Variants in LSAMP observed in about 807,000 individuals in gnomAD.
LSAMP encodes the protein limbic system associated membrane protein.
In LSAMP, 7 loss-of-function variants were observed where a neutral mutation model predicts 38.6. The ratio of observed to expected loss-of-function variants is 0.18; its 90% confidence interval spans 0.10 to 0.34. The LOEUF (loss-of-function observed/expected upper bound fraction) is 0.34. Among genes scored for constraint, LSAMP ranks in the 10% least tolerant of loss-of-function variants. The pLI is 1.00. For missense variants in LSAMP, 313 were observed against 420.0 expected, an observed-to-expected ratio of 0.75 and a Z score of 2.23; for synonymous variants, 154 against 166.8, an observed-to-expected ratio of 0.92 and a Z score of 0.59.
chr3:115,854,133 A>T (rs1359447768), intron 3 of LSAMP, among the ~76,000 whole-genome samples: 1 of 151,930 alleles, frequency 6.6e-6, no homozygotes, highest in Non-Finnish European at 1.5e-5. Context: ...AATCTTGATT[A>T]AAAAAACAGG....
intron 1 of LSAMP, among the ~76,000 whole-genome samples, chr3:116,278,738 C>T (rs1399803192): frequency 6.6e-6 from 1 of 152,164 alleles, no homozygotes; most frequent in Non-Finnish European, 1.5e-5. Flanking sequence ...TAAAACTCAA[C>T]ACCTAGCACA....
intron 3 of LSAMP, among the ~76,000 whole-genome samples, chr3:115,973,939 A>G (rs1024905309): frequency 2.0e-5 from 3 of 152,220 alleles, no homozygotes; most frequent in African/African-American, 7.2e-5. Context: ...TGAATTAGGA[A>G]TGCACAACCT....
chr3:116,299,010 A>ATATT (rs2047371959), intron 1 of LSAMP, among the ~76,000 whole-genome samples: 1 of 152,206 alleles, frequency 6.6e-6, no homozygotes, highest in Non-Finnish European at 1.5e-5. Context: ...TAAAAAAGAT[A>ATATT]TATTTTTGGC....
intron 1 of LSAMP, among the ~76,000 whole-genome samples, chr3:116,142,765 T>C (rs968728251): frequency 2.6e-5 from 4 of 151,928 alleles, no homozygotes; most frequent in Non-Finnish European, 5.9e-5. Flanking sequence ...CACAGTAGAA[T>C]AGAAACATCA....
rs1939445057 is a variant in LSAMP, at chr3:115,984,200, T to C, written c.514+35315A>G. 2.0e-5 allele frequency among the ~76,000 whole-genome samples: 3 copies of C among 152,018 alleles called. No individual in the cohort carries two copies. The South Asian group carries it at 6.2e-4, about 32-fold the overall frequency. ...ATGACACCCACACTTCTGGCTTGCC[T>C]GAATGGGGGTGCTATTCACAAAGAA... On this transcript the variant is annotated intron_variant, in intron 3 of 6. Coordinates refer to ENST00000490035, the MANE Select transcript of LSAMP (RefSeq NM_002338.5).
intron 1 of LSAMP, among the ~76,000 whole-genome samples, chr3:116,443,887 G>A (rs905849054): frequency 1.3e-5 from 2 of 152,092 alleles, no homozygotes; most frequent in East Asian, 1.9e-4. Flanking sequence ...GTGGAGAGGA[G>A]GAAGAGAAAA....
At chr3:116,379,964 T>C (rs1325665241) in intron 1 of LSAMP, among the ~76,000 whole-genome samples, 2 of 152,072 alleles carry the variant, frequency 1.3e-5, no homozygotes, top group Non-Finnish European at 2.9e-5. Context: ...TGGGCTTTCC[T>C]ATGTTTAAAA....
intron 1 of LSAMP, among the ~76,000 whole-genome samples, chr3:116,389,349 G>A (rs2048664794): frequency 6.6e-6 from 1 of 152,120 alleles, no homozygotes; most frequent in Admixed American, 6.5e-5. Flanking sequence ...GAACAGAAAA[G>A]ATGCTGTCTA....
chr3:116,202,143 C>T (rs1559780589), intron 1 of LSAMP, among the ~76,000 whole-genome samples: 2 of 145,800 alleles, frequency 1.4e-5, no homozygotes, highest in African/African-American at 5.0e-5. Flanking sequence ...CCTTTCTTTT[C>T]TTTTTTTTTT....
At chr3:116,141,915 C>T (rs559672804) in intron 1 of LSAMP, among the ~76,000 whole-genome samples, 35 of 151,984 alleles carry the variant, frequency 2.3e-4, no homozygotes, top group South Asian at 1.0e-3. Context: ...CAATGCCAAG[C>T]GAGGAAATTG....
intron 1 of LSAMP, among the ~76,000 whole-genome samples, chr3:116,136,693 C>T (rs1397141946): frequency 6.6e-6 from 1 of 152,030 alleles, no homozygotes; most frequent in African/African-American, 2.4e-5. Context: ...ATTATTTTCT[C>T]AGTCTTCATT....
intron 6 of LSAMP, chr3:115,838,262 C>T (rs1181923342): frequency 2.6e-5 from 4 of 152,246 alleles, no homozygotes; most frequent in African/African-American, 4.8e-5. Context: ...AAGTGACAAC[C>T]TTTAAATTAT....
At chr3:116,293,710 A>G (rs2047296242) in intron 1 of LSAMP, among the ~76,000 whole-genome samples, 1 of 152,200 alleles carries the variant, frequency 6.6e-6, no homozygotes, top group East Asian at 1.9e-4. Context: ...CATAAGCACT[A>G]TAGTGAGATA....
rs1576469830 is a variant in LSAMP at position 116,266,880 on chromosome 3, A to C, written c.155+177997T>G. 3.9e-5 allele frequency among the ~76,000 whole-genome samples: 6 copies of C among 152,308 alleles called. 1 individual carries two copies. Among genetic ancestry groups the C allele is most frequent in the Admixed American group, 3.9e-4 (6 of 15,288 alleles). ...AAAACACAGCAACACTAATACTAACAATAATAATAGTAAACACTAACAATA... is the reference window on the plus strand; with the variant it reads ...AAAACACAGCAACACTAATACTAACCATAATAATAGTAAACACTAACAATA... On this transcript the variant is annotated intron_variant, in intron 1 of 6. Transcript: ENST00000490035.
At chr3:116,346,327 C>CTTTTTTT (rs11391341) in intron 1 of LSAMP, among the ~76,000 whole-genome samples, 2 of 142,274 alleles carry the variant, frequency 1.4e-5, no homozygotes, top group Non-Finnish European at 3.0e-5. Flanking sequence ...TTAGTTTTAT[C>CTTTTTTT]TTTTTTTTTT....
At chr3:116,112,444 G>T (rs138395594) in intron 1 of LSAMP, among the ~76,000 whole-genome samples, 2 of 152,252 alleles carry the variant, frequency 1.3e-5, no homozygotes, top group African/African-American at 4.8e-5. Flanking sequence ...ATGAGCTTGC[G>T]AATGACTATG....
intron 3 of LSAMP, among the ~76,000 whole-genome samples, chr3:115,909,454 T>C (rs1361600302): frequency 6.6e-6 from 1 of 152,190 alleles, no homozygotes; most frequent in Non-Finnish European, 1.5e-5. Context: ...GCTGTTCCCT[T>C]GGTGTCATCA....
chr3:116,327,797 C>T (rs2047793853), intron 1 of LSAMP, among the ~76,000 whole-genome samples: 1 of 152,016 alleles, frequency 6.6e-6, no homozygotes, highest in African/African-American at 2.4e-5. Flanking sequence ...TAAAAGAAAA[C>T]AAAATGAATC....
At chr3:116,317,798 A>G (rs2047652838) in intron 1 of LSAMP, among the ~76,000 whole-genome samples, 1 of 152,128 alleles carries the variant, frequency 6.6e-6, no homozygotes, top group Non-Finnish European at 1.5e-5. Context: ...TTAAAAGGCC[A>G]GAAGTCTCTT....
Sources: gnomAD v4.1 joint callset for allele counts (sites outside exome capture counted in the v4.1 genomes callset) on GRCh38, gnomAD v4.1.1 for gene constraint, MANE v1.5 for transcripts, NCBI Gene and HGNC (gene_info 2026-07-23, HGNC 2026-07-21) for gene names.